Variants in NFASC observed in about 807,000 individuals in gnomAD.
NFASC encodes neurofascin, also known as neurofascin homolog.
NFASC carries 43 observed loss-of-function variants against 147.5 expected under a neutral mutation model. The ratio of observed to expected loss-of-function variants is 0.29; its 90% CI spans 0.23 to 0.38. The LOEUF is 0.38. NFASC is among the 10% of genes least tolerant of loss of function. NFASC has a pLI of 1.00. For missense variants in NFASC, 1,320 were observed against 1,689.0 expected (o/e 0.78, Z 3.83); for synonymous variants, 622 against 665.5 (o/e 0.93, Z 1.01).
At position 204,977,091 on chromosome 1, in the gene NFASC, T is replaced by C. The variant is rs1006771132; in HGVS notation, c.1831+296T>C. ...GGTTTCTCGTTGTGATCATTTTACCTTTCTTACAGCTAACTCCACCACTAA... is the reference window on the plus strand; with the variant it reads ...GGTTTCTCGTTGTGATCATTTTACCCTTCTTACAGCTAACTCCACCACTAA... On this transcript the variant is annotated intron_variant, in intron 16 of 29. Transcript: ENST00000339876. The C allele has an allele frequency of 1.2e-5, 15 of 1,209,820 alleles. No individual in the cohort carries two copies. The Admixed American group carries it at 5.7e-4, about 46-fold the overall frequency. 74.9% of individuals were successfully genotyped at this position (1,209,820 alleles called of 1,614,324 possible).
chr1:204,858,695 C>T (rs2076384836), intron 1 of NFASC, among the ~76,000 whole-genome samples: 1 of 152,160 alleles, frequency 6.6e-6, no homozygotes, highest in Non-Finnish European at 1.5e-5. Context: ...TTCCCTTCCT[C>T]ATCATTTTCC....
At position 204,949,072 on chromosome 1, in the gene NFASC, G is replaced by T. The variant is rs72751461; in HGVS notation, c.92-1485G>T. ...TTCCCCCTGGACTTTTCATTCCTTT[G>T]TCTCCTGCCCAGGCAGCCCTGGGCA... On this transcript the variant is annotated intron_variant, in intron 3 of 29. Coordinates refer to ENST00000339876, the MANE Select transcript of NFASC (RefSeq NM_001005388.3). Among the ~76,000 whole-genome samples the T allele has an allele frequency of 5.8e-3, 882 of 152,334 alleles. 11 individuals carry two copies. The highest frequency in any genetic ancestry group is 0.01 in the Non-Finnish European group (710 of 68,032).
intron 4 of NFASC, among the ~76,000 whole-genome samples, chr1:204,950,897 A>T (rs1385820644): frequency 6.6e-6 from 1 of 152,004 alleles, no homozygotes. Context: ...GAAGGGGAGG[A>T]TCTGGGAAGT....
chr1:204,956,020 C>T (rs1362225380), intron 7 of NFASC, among the ~76,000 whole-genome samples: 1 of 152,198 alleles, frequency 6.6e-6, no homozygotes, highest in African/African-American at 2.4e-5. Flanking sequence ...GCTGGCCTCA[C>T]TTGTTAATTC....
At chr1:204,892,423 T>C (rs896938196) in intron 1 of NFASC, among the ~76,000 whole-genome samples, 3 of 152,232 alleles carry the variant, frequency 2.0e-5, no homozygotes, top group African/African-American at 7.2e-5. Context: ...ATTCTTCTGA[T>C]GGCCATGTCA....
chr1:205,011,206 G>GGC (rs1574497075), intron 28 of NFASC, among the ~76,000 whole-genome samples: 1 of 92,554 alleles, frequency 1.1e-5, no homozygotes, highest in African/African-American at 4.2e-5. Flanking sequence ...CCTCCCCCAG[G>GGC]ACCCCCCCCA....
At chr1:204,891,193 G>A (rs1255023041) in intron 1 of NFASC, among the ~76,000 whole-genome samples, 1 of 152,158 alleles carries the variant, frequency 6.6e-6, no homozygotes, top group African/African-American at 2.4e-5. Context: ...AACTTTATTA[G>A]GGAGTGCAAT....
rs114947835 is a variant in NFASC, at chr1:204,837,565, A to G, written c.-200+8783A>G. ...GTGGTGTTAGAAGAAGTGGGTGGGA[A>G]GTCCCTTCCCAGGCACCTGGTGGTT... On this transcript the variant is annotated intron_variant, in intron 1 of 29. Transcript: ENST00000339876. Among the ~76,000 whole-genome samples the G allele has an allele frequency of 8.3e-3, 1,271 of 152,306 alleles. 16 individuals are homozygous for G. The highest frequency in any genetic ancestry group is 0.014 in the Non-Finnish European group (934 of 68,024).
At chr1:205,006,456 G>A (rs1305232977) in intron 27 of NFASC, among the ~76,000 whole-genome samples, 2 of 152,230 alleles carry the variant, frequency 1.3e-5, no homozygotes, top group South Asian at 2.1e-4. Flanking sequence ...TCAGGGAGGA[G>A]GGGTAGAGTG....
chr1:204,978,322 C>T (rs1203200456), intron 17 of NFASC, among the ~76,000 whole-genome samples: 1 of 152,212 alleles, frequency 6.6e-6, no homozygotes, highest in African/African-American at 2.4e-5. Flanking sequence ...AAAGCAGTCC[C>T]AGTGAGATTC....
chr1:204,923,713 G>A lies in NFASC; in HGVS notation c.-91+2973G>A, dbSNP rs146824409. 7.5e-3 allele frequency among the ~76,000 whole-genome samples: 1,135 copies of A among 151,770 alleles called. 14 individuals carry two copies. The highest frequency in any genetic ancestry group is 0.026 in the African/African-American group (1,069 of 41,192). ...CCTGCTGCCCCCAAACCGATTTCAGGCCCCTGAGGCAGGCACCTGAGGCAG... is the reference window on the plus strand; with the variant it reads ...CCTGCTGCCCCCAAACCGATTTCAGACCCCTGAGGCAGGCACCTGAGGCAG... On this transcript the variant is annotated intron_variant, in intron 2 of 29. Transcript: ENST00000339876.
chr1:204,866,450 A>G (rs1178753820), intron 1 of NFASC, among the ~76,000 whole-genome samples: 3 of 152,228 alleles, frequency 2.0e-5, no homozygotes, highest in Admixed American at 6.5e-5. Flanking sequence ...AGAATTAAGA[A>G]GCTGGCAGAC....
chr1:204,923,249 G>A (rs1012731925), intron 2 of NFASC, among the ~76,000 whole-genome samples: 4 of 152,156 alleles, frequency 2.6e-5, no homozygotes, highest in Admixed American at 6.5e-5. Flanking sequence ...GAAGCCCTCC[G>A]TTTATCTGCG....
At chr1:204,970,419 G>T (rs2095194889) in intron 10 of NFASC, among the ~76,000 whole-genome samples, 197 bp from the exon 11 acceptor site, 1 of 152,206 alleles carries the variant, frequency 6.6e-6, no homozygotes, top group African/African-American at 2.4e-5. Flanking sequence ...AAAATAGACA[G>T]ATCAGCATCT....
In NFASC at chr1:204,975,165, C is replaced by A; in HGVS notation, c.1559-106C>A. 1 of 1,271,680 alleles carries A rather than the reference C, an allele frequency of 7.9e-7. No homozygotes were observed. Among genetic ancestry groups the A allele is most frequent in the Non-Finnish European group, 1.1e-6 (1 of 915,400 alleles). 78.8% of individuals were successfully genotyped at this position (1,271,680 alleles called of 1,614,324 possible). On this transcript the variant is annotated intron_variant, in intron 14 of 29. Transcript: ENST00000339876. The surrounding 1 kb of genome is among the most constrained non-coding windows in gnomAD (Gnocchi z 4.0). ...ATAGCATACTGTTTGTGCCCCACTC[C>A]ATAGTTGGCCCAAGGCCTCGAGGGC...
chr1:204,963,865 C>T (rs150456781), intron 8 of NFASC, among the ~76,000 whole-genome samples: 598 of 152,320 alleles, frequency 3.9e-3, no homozygotes, highest in African/African-American at 0.014. Context: ...ATGAAAAGTG[C>T]CCAGGGCATC....
intron 1 of NFASC, among the ~76,000 whole-genome samples, chr1:204,914,394 T>G (rs1050566051): frequency 2.6e-5 from 4 of 152,206 alleles, no homozygotes; most frequent in African/African-American, 9.6e-5. Flanking sequence ...GGCTTCTCCC[T>G]TCACTCAGCT....
rs76210523 is a variant in NFASC, at chr1:204,909,660, A to G, written c.-199-10972A>G. Among the ~76,000 whole-genome samples the G allele has an allele frequency of 7.6e-3, 1,151 of 151,988 alleles. 14 individuals are homozygous for G. Among genetic ancestry groups the G allele is most frequent in the African/African-American group, 0.026 (1,082 of 41,458 alleles). ...GTTTGTCTAGCTCCAGATTGCAACA[A>G]TTTTCTCCTATTTTTATTGTACAAG... On this transcript the variant is annotated intron_variant, in intron 1 of 29. Coordinates refer to ENST00000339876, the MANE Select transcript of NFASC (RefSeq NM_001005388.3).
chr1:205,020,916 A>C lies in NFASC; in HGVS notation c.*4377A>C, dbSNP rs1259900498. Reference sequence around the variant, plus strand: ...TCCGGCCAGCCCCAGCCAAACACACAAAAGCCCATGGTTGCGGTTGCATCT... The same window carrying C: ...TCCGGCCAGCCCCAGCCAAACACACCAAAGCCCATGGTTGCGGTTGCATCT... On this transcript the variant is annotated 3_prime_UTR_variant, in exon 30 of 30. Coordinates refer to ENST00000339876, the MANE Select transcript of NFASC (RefSeq NM_001005388.3). 1 of 151,870 alleles carries C rather than the reference A, an allele frequency of 6.6e-6. No individual in the cohort carries two copies. Among genetic ancestry groups the C allele is most frequent in the Non-Finnish European group, 1.5e-5 (1 of 68,008 alleles). 9.4% of individuals were successfully genotyped at this position (151,870 alleles called of 1,614,324 possible).
Sources: gnomAD v4.1 joint callset for allele counts (sites outside exome capture counted in the v4.1 genomes callset) on GRCh38, gnomAD v4.1.1 for gene constraint, Gnocchi (gnomAD v3.1) non-coding constraint, MANE v1.5 for transcripts, NCBI Gene and HGNC (gene_info 2026-07-23, HGNC 2026-07-21) for gene names.